Variants in OCLN observed in about 807,000 individuals in gnomAD.
OCLN encodes the protein occludin, also known as phosphatase 1, regulatory subunit 115.
A neutral mutation model predicts 47.9 loss-of-function variants in OCLN; 21 were observed. The observed-to-expected ratio is 0.44, with a 90% CI of 0.31 to 0.63. The LOEUF (loss-of-function observed/expected upper bound fraction) is 0.63. Among genes scored for constraint, OCLN ranks in the 30% least tolerant of loss-of-function variants. OCLN has a pLI of 0.08. For synonymous variants in OCLN, 117 were observed against 198.4 expected (o/e 0.59, Z 3.45); for missense variants, 360 against 571.0 (o/e 0.63, Z 3.77).
intron 4 of OCLN, among the ~76,000 whole-genome samples, chr5:69,532,874 A>G (rs1383882394): frequency 1.3e-5 from 2 of 151,916 alleles, no homozygotes; most frequent in Non-Finnish European, 2.9e-5. Context: ...AGGCTGAGGC[A>G]GGAGAATCAC....
At position 69,534,930 on chromosome 5, in the gene OCLN, T is replaced by C. The variant is rs964472204; in HGVS notation, c.1037+91T>C. On this transcript the variant is annotated intron_variant, in intron 5 of 8. Coordinates refer to ENST00000396442, the MANE Select transcript of OCLN (RefSeq NM_001205254.2). Reference sequence around the variant, plus strand: ...TTTGTGCCTTTCTGCTTAAAAAAAATATCCAGCAGTGCACACAAAAGCTGG... The same window carrying C: ...TTTGTGCCTTTCTGCTTAAAAAAAACATCCAGCAGTGCACACAAAAGCTGG... The C allele has an allele frequency of 7.7e-6, 11 of 1,426,692 alleles. 2 individuals carry two copies. In the African/African-American group the frequency reaches 2.0e-4, roughly 26 times the overall value. 88.4% of individuals were successfully genotyped at this position (1,426,692 alleles called of 1,614,324 possible).
intron 4 of OCLN, among the ~76,000 whole-genome samples, chr5:69,517,312 A>AT (rs1467318803): frequency 1.2e-3 from 99 of 82,246 alleles, no homozygotes; most frequent in African/African-American, 3.0e-3. Context: ...ATATATATAT[A>AT]TATTTTTTTT....
At chr5:69,498,048 C>T (rs530196488) in intron 1 of OCLN, among the ~76,000 whole-genome samples, 10 of 151,348 alleles carry the variant, frequency 6.6e-5, no homozygotes, top group Admixed American at 2.0e-4. Context: ...AGGAGAATGG[C>T]GTGAACCCGG....
At chr5:69,531,178 A>G (rs1383317887) in intron 4 of OCLN, among the ~76,000 whole-genome samples, 2 of 152,240 alleles carry the variant, frequency 1.3e-5, no homozygotes, top group African/African-American at 4.8e-5. Flanking sequence ...TCCGCTGCCT[A>G]CTGAAGTGAG....
Position 69,506,078 on chromosome 5 carries a change from G to A in OCLN, c.50+1784G>A, listed in dbSNP as rs189858744. On this transcript the variant is annotated intron_variant, in intron 2 of 8. Transcript: ENST00000396442. ...CAGGATTCCCACAGTTGTCTCCTTG[G>A]GTGCAATTAATTTGCTAAAGTGGCT... Among the ~76,000 whole-genome samples the A allele has an allele frequency of 4.7e-4, 71 of 152,104 alleles. 1 individual carries two copies. In the South Asian group the frequency reaches 6.0e-3, roughly 13 times the overall value.
At chr5:69,548,764 G>A (rs1489086651) in intron 7 of OCLN, among the ~76,000 whole-genome samples, 8 of 150,768 alleles carry the variant, frequency 5.3e-5, no homozygotes, top group Non-Finnish European at 1.5e-5. Context: ...TTAGAGAATA[G>A]CGTGCCTAAC....
chr5:69,548,414 C>T (rs1199005377), intron 7 of OCLN, among the ~76,000 whole-genome samples: 6 of 149,610 alleles, frequency 4.0e-5, no homozygotes, highest in African/African-American at 7.4e-5. Context: ...CCCGGGTTCA[C>T]GCCATTCTCC....
At chr5:69,521,315 C>T (rs184924975) in intron 4 of OCLN, among the ~76,000 whole-genome samples, 1 of 152,226 alleles carries the variant, frequency 6.6e-6, no homozygotes, top group East Asian at 1.9e-4. Context: ...TATGAGTATA[C>T]GATGATTCAT....
chr5:69,549,735 C>T (rs1324138092), intron 7 of OCLN, among the ~76,000 whole-genome samples: 2 of 151,064 alleles, frequency 1.3e-5, no homozygotes, highest in African/African-American at 2.4e-5. Context: ...TTTATTTGTT[C>T]CTTTATTGAT....
At chr5:69,548,695 A>G (rs1283971288) in intron 7 of OCLN, among the ~76,000 whole-genome samples, 2 of 151,280 alleles carry the variant, frequency 1.3e-5, no homozygotes, top group East Asian at 4.0e-4. Context: ...ATGGTGGCTC[A>G]TGGCTATAAT....
At chr5:69,499,626 C>T (rs1768399599) in intron 1 of OCLN, among the ~76,000 whole-genome samples, 1 of 151,846 alleles carries the variant, frequency 6.6e-6, no homozygotes, top group African/African-American at 2.4e-5. Flanking sequence ...CGCTCCGTCG[C>T]CAGGCTGGAG....
At chr5:69,522,321 AT>A (rs1769160360) in intron 4 of OCLN, among the ~76,000 whole-genome samples, 1 of 152,196 alleles carries the variant, frequency 6.6e-6, no homozygotes, top group Non-Finnish European at 1.5e-5. Context: ...AGTTAAACAT[AT>A]GTCAGTCCTT....
At chr5:69,531,935 A>G (rs1769442999) in intron 4 of OCLN, among the ~76,000 whole-genome samples, 1 of 152,238 alleles carries the variant, frequency 6.6e-6, no homozygotes, top group Non-Finnish European at 1.5e-5. Context: ...GTAAGGCTTT[A>G]TAATAGCAAA....
At chr5:69,519,750 C>T (rs1215688943) in intron 4 of OCLN, among the ~76,000 whole-genome samples, 2 of 151,894 alleles carry the variant, frequency 1.3e-5, no homozygotes, top group Non-Finnish European at 2.9e-5. Context: ...TGGTTGGTTC[C>T]GGGACCCCCA....
At chr5:69,528,896 C>G (rs1443501746) in intron 4 of OCLN, among the ~76,000 whole-genome samples, 1 of 152,118 alleles carries the variant, frequency 6.6e-6, no homozygotes, top group Non-Finnish European at 1.5e-5. Context: ...CTGACTCTCT[C>G]CCATGTGTGA....
rs2112102884 is a variant in OCLN, at chr5:69,554,946, T to TC, written c.*1275_*1276insC. ...TCAGATATTTAGGTATATAATTTTT[T>TC]TTTTTTTTTGAGACAGAGTCTCACT... On this transcript the variant is annotated 3_prime_UTR_variant, in exon 9 of 9. Coordinates refer to ENST00000396442, the MANE Select transcript of OCLN (RefSeq NM_001205254.2). 6.8e-6 allele frequency: 1 copy of TC among 146,856 alleles called. No individual in the cohort carries two copies. The highest frequency in any genetic ancestry group is 1.9e-4 in the East Asian group (1 of 5,132). 9.1% of individuals were successfully genotyped at this position (146,856 alleles called of 1,614,324 possible).
At chr5:69,497,202 C>G (rs1392788508) in intron 1 of OCLN, among the ~76,000 whole-genome samples, 6 of 151,140 alleles carry the variant, frequency 4.0e-5, no homozygotes, top group African/African-American at 1.5e-4. Flanking sequence ...GAGAGGCTTC[C>G]TAACATTGAG....
At chr5:69,532,409 TC>T (rs1167575596) in intron 4 of OCLN, among the ~76,000 whole-genome samples, 5 of 152,200 alleles carry the variant, frequency 3.3e-5, no homozygotes, top group Non-Finnish European at 7.3e-5. Flanking sequence ...ATGCCATTGA[TC>T]CTATCACAAA....
chr5:69,514,689 G>A (rs1768879300), intron 4 of OCLN, among the ~76,000 whole-genome samples: 2 of 152,112 alleles, frequency 1.3e-5, no homozygotes, highest in South Asian at 4.1e-4. Flanking sequence ...CAGTGTTTGT[G>A]TCCCTGGGTA....
Sources: gnomAD v4.1 joint callset for allele counts (sites outside exome capture counted in the v4.1 genomes callset) on GRCh38, gnomAD v4.1.1 for gene constraint, MANE v1.5 for transcripts, NCBI Gene and HGNC (gene_info 2026-07-23, HGNC 2026-07-21) for gene names.